Variants in YAP1 observed in about 807,000 individuals in gnomAD.
YAP1 encodes transcriptional coactivator YAP1.
YAP1 carries 5 observed loss-of-function variants against 56.9 expected under a neutral mutation model. The ratio of observed to expected loss-of-function variants is 0.09; its 90% CI spans 0.05 to 0.18. The LOEUF (loss-of-function observed/expected upper bound fraction) is 0.18, where lower values mean the gene tolerates loss of function less well. Among genes scored for constraint, YAP1 ranks in the 10% least tolerant of loss-of-function variants. The pLI is 1.00. For missense variants in YAP1, 539 were observed against 651.8 expected, an observed-to-expected ratio of 0.83 and a Z score of 1.88; for synonymous variants, 265 against 248.1, an observed-to-expected ratio of 1.07 and a Z score of -0.64.
rs1301271156 is a variant in YAP1 at position 102,110,733 on chromosome 11, C to A, written c.-116C>A. On this transcript the variant is annotated 5_prime_UTR_variant, in exon 1 of 9. Coordinates refer to ENST00000282441, the MANE Select transcript of YAP1 (RefSeq NM_001130145.3). The stretch of plus-strand genomic sequence containing the variant: ...CCCCCGGCCCTGAGAGCGAGGACAG[C>A]GCCGCCCGGCCCGCAGCCGTCGCCG... 4 of 999,188 alleles carry A rather than the reference C, an allele frequency of 4.0e-6. No homozygotes were observed. In the African/African-American group the frequency reaches 6.9e-5, roughly 17 times the overall value. 61.9% of individuals were successfully genotyped at this position (999,188 alleles called of 1,614,324 possible). A position where few individuals can be genotyped will look rare whatever the true frequency, so the allele number is the denominator to read the frequency against.
rs371319923 is a variant in YAP1 at position 102,126,311 on chromosome 11, T to G, written c.572+11917T>G. 3.1e-4 allele frequency among the ~76,000 whole-genome samples: 47 copies of G among 152,310 alleles called. No individual in the cohort carries two copies. In the South Asian group the frequency reaches 9.5e-3, roughly 31 times the overall value. ...ATCACTTTTTACTGAATCCTTGATA[T>G]GGTTTGGCTGTGTTCCCACTGAAAT... is the stretch of plus-strand genomic sequence containing the variant. On this transcript the variant is annotated intron_variant, in intron 2 of 8. Coordinates refer to ENST00000282441, the MANE Select transcript of YAP1 (RefSeq NM_001130145.3).
chr11:102,194,067 A>G (rs924836326), intron 4 of YAP1, among the ~76,000 whole-genome samples: 1 of 152,180 alleles, frequency 6.6e-6, no homozygotes, highest in Non-Finnish European at 1.5e-5. Context: ...GGCCTCCCGA[A>G]GTGCTGGGAT....
intron 8 of YAP1, among the ~76,000 whole-genome samples, chr11:102,228,389 CT>C (rs1254380778): frequency 6.6e-6 from 1 of 151,768 alleles, no homozygotes; most frequent in Non-Finnish European, 1.5e-5. Context: ...AATCCCAGCA[CT>C]TTGGGAGGCC....
At chr11:102,116,768 G>A (rs1360059319) in intron 2 of YAP1, among the ~76,000 whole-genome samples, 1 of 152,156 alleles carries the variant, frequency 6.6e-6, no homozygotes, top group Non-Finnish European at 1.5e-5. Flanking sequence ...TATAAGAAAT[G>A]TGAGGAATTT....
chr11:102,182,334 T>C (rs1947675226), intron 3 of YAP1, among the ~76,000 whole-genome samples: 1 of 152,242 alleles, frequency 6.6e-6, no homozygotes, highest in Admixed American at 6.5e-5. Context: ...CGAGCCACTG[T>C]GGTCTCCTCT....
intron 4 of YAP1, among the ~76,000 whole-genome samples, chr11:102,188,662 T>C (rs994429699): frequency 8.5e-5 from 13 of 152,184 alleles, no homozygotes; most frequent in African/African-American, 2.9e-4. Flanking sequence ...TACAGTTCTG[T>C]AGCTTGGGGC....
chr11:102,185,558 A>C (rs1947902348), intron 3 of YAP1, among the ~76,000 whole-genome samples: 1 of 152,178 alleles, frequency 6.6e-6, no homozygotes, highest in African/African-American at 2.4e-5. Context: ...TCTTAGCTAA[A>C]ATGTGCTTTA....
chr11:102,173,221 C>G (rs1257137473), intron 3 of YAP1, among the ~76,000 whole-genome samples: 2 of 151,992 alleles, frequency 1.3e-5, no homozygotes, highest in Admixed American at 6.6e-5. Context: ...AATTACTAAG[C>G]CCTGGAACCT....
At chr11:102,170,602 A>T (rs1946846386) in intron 3 of YAP1, among the ~76,000 whole-genome samples, 2 of 152,330 alleles carry the variant, frequency 1.3e-5, no homozygotes, top group South Asian at 2.1e-4. Context: ...CAAATATTTT[A>T]AAAAATTTAC....
At chr11:102,169,345 A>G (rs1313196822) in intron 3 of YAP1, among the ~76,000 whole-genome samples, 1 of 152,226 alleles carries the variant, frequency 6.6e-6, no homozygotes, top group Non-Finnish European at 1.5e-5. Context: ...CTGTTACCAC[A>G]CTATCTTTGA....
intron 2 of YAP1, among the ~76,000 whole-genome samples, chr11:102,158,571 A>G (rs926753635): frequency 2.0e-5 from 3 of 152,138 alleles, no homozygotes; most frequent in Non-Finnish European, 2.9e-5. Flanking sequence ...CAAGGCCCAC[A>G]CTCTTGAATA....
chr11:102,124,531 A>T (rs987543836), intron 2 of YAP1, among the ~76,000 whole-genome samples: 3 of 151,998 alleles, frequency 2.0e-5, no homozygotes, highest in Non-Finnish European at 4.4e-5. Context: ...GTCCTGGAAA[A>T]CATTTCTTTC....
intron 2 of YAP1, among the ~76,000 whole-genome samples, chr11:102,161,426 C>G (rs1241189511): frequency 6.6e-6 from 1 of 150,674 alleles, no homozygotes; most frequent in African/African-American, 2.4e-5. Context: ...TGTTTTATAA[C>G]CTATTTTTAA....
At chr11:102,167,705 G>C (rs187879285) in intron 3 of YAP1, among the ~76,000 whole-genome samples, 357 of 152,236 alleles carry the variant, frequency 2.3e-3, no homozygotes, top group African/African-American at 6.7e-3. Flanking sequence ...CTGCACTCCA[G>C]CCTGGTGACA....
intron 2 of YAP1, among the ~76,000 whole-genome samples, chr11:102,116,000 A>T (rs1943262427): frequency 6.6e-6 from 1 of 152,202 alleles, no homozygotes; most frequent in African/African-American, 2.4e-5. Flanking sequence ...TCTTCTTCTT[A>T]GTTCTTTGTA....
chr11:102,181,403 G>A (rs145801203), intron 3 of YAP1, among the ~76,000 whole-genome samples: 4,894 of 151,502 alleles, frequency 0.032, 269 homozygotes, highest in African/African-American at 0.11. Context: ...CCGAGATTGC[G>A]CCACTGCACT....
At chr11:102,207,288 G>GT (rs970247394) in intron 5 of YAP1, among the ~76,000 whole-genome samples, 4 of 151,848 alleles carry the variant, frequency 2.6e-5, no homozygotes, top group Non-Finnish European at 5.9e-5. Context: ...TAGGTTTTTT[G>GT]TTTTTTGTTA....
chr11:102,184,409 T>G (rs1474516028), intron 3 of YAP1, among the ~76,000 whole-genome samples: 2 of 152,186 alleles, frequency 1.3e-5, no homozygotes. Flanking sequence ...TCATTCAGCC[T>G]CTGGTAAACT....
chr11:102,159,673 A>C (rs1379538968), intron 2 of YAP1, among the ~76,000 whole-genome samples: 1 of 152,154 alleles, frequency 6.6e-6, no homozygotes, highest in East Asian at 1.9e-4. Context: ...TATGTTACTG[A>C]ATTTAATTAC....
Sources: gnomAD v4.1 joint callset for allele counts (sites outside exome capture counted in the v4.1 genomes callset) on GRCh38, gnomAD v4.1.1 for gene constraint, MANE v1.5 for transcripts, NCBI Gene and HGNC (gene_info 2026-07-23, HGNC 2026-07-21) for gene names.